Variants in ANOS1 observed in about 807,000 individuals in gnomAD.
ANOS1 encodes the protein anosmin-1.
A neutral mutation model predicts 59.0 loss-of-function variants in ANOS1; 6 were observed. The observed-to-expected ratio is 0.10, with a 90% confidence interval of 0.06 to 0.20. The LOEUF is 0.20. ANOS1 is among the 10% of genes least tolerant of loss of function. ANOS1 has a pLI of 1.00. For synonymous variants in ANOS1, 217 were observed against 223.4 expected (o/e 0.97, Z 0.25); for missense variants, 433 against 542.3 (o/e 0.80, Z 2.00).
chrX:8,637,318 G>T (rs1931588662), intron 2 of ANOS1, among the ~76,000 whole-genome samples: 1 of 111,921 alleles, frequency 8.9e-6, no homozygotes, highest in Non-Finnish European at 1.9e-5. Flanking sequence ...ACACATTTAA[G>T]GACTCAACCA....
chrX:8,595,541 G>T (rs1043575739), intron 4 of ANOS1, among the ~76,000 whole-genome samples: 1 of 112,140 alleles, frequency 8.9e-6, no homozygotes. Flanking sequence ...GTGAATTGTT[G>T]TAAGTGTTAG....
At chrX:8,704,031 C>T (rs993498097) in intron 1 of ANOS1, among the ~76,000 whole-genome samples, 1 of 109,876 alleles carries the variant, frequency 9.1e-6, no homozygotes, top group African/African-American at 3.3e-5. Flanking sequence ...CGGGTTTTTC[C>T]CATGTTATTC....
intron 2 of ANOS1, among the ~76,000 whole-genome samples, chrX:8,688,923 G>A (rs934956672): frequency 2.7e-5 from 3 of 111,839 alleles, no homozygotes; most frequent in African/African-American, 6.5e-5. Flanking sequence ...GGCAGAAAAC[G>A]CTTACCATGA....
intron 1 of ANOS1, 92 bp downstream of exon 1, chrX:8,731,738 C>T: frequency 8.9e-7 from 1 of 1,129,040 alleles, no homozygotes; most frequent in Non-Finnish European, 1.2e-6. Flanking sequence ...TGGCCGAGAA[C>T]TTTGCGAGCC....
chrX:8,541,437 A>G (rs1414168438), intron 9 of ANOS1, among the ~76,000 whole-genome samples: 2 of 99,396 alleles, frequency 2.0e-5, no homozygotes, highest in East Asian at 3.1e-4. Context: ...AAAAAACAAA[A>G]AAATAAAACA....
At chrX:8,725,281 G>GC (rs1285986551) in intron 1 of ANOS1, among the ~76,000 whole-genome samples, 1 of 110,212 alleles carries the variant, frequency 9.1e-6, no homozygotes, top group Non-Finnish European at 1.9e-5. Flanking sequence ...CTTAATACAA[G>GC]CAGTACCCCC....
At chrX:8,688,383 A>G (rs1448579269) in intron 2 of ANOS1, among the ~76,000 whole-genome samples, 2 of 112,405 alleles carry the variant, frequency 1.8e-5, no homozygotes, top group Non-Finnish European at 3.7e-5. Flanking sequence ...TGATGAACAC[A>G]TTACAACTTC....
At chrX:8,607,086 C>T (rs1319536886) in intron 3 of ANOS1, among the ~76,000 whole-genome samples, 2 of 112,025 alleles carry the variant, frequency 1.8e-5, no homozygotes, top group Non-Finnish European at 3.8e-5. Context: ...AATTGCACTC[C>T]GGCCTGGGCA....
Position 8,536,730 on chromosome X carries a change from C to A in ANOS1, c.1621+41G>T, listed in dbSNP as rs1417705778. 4 of 1,124,506 alleles carry A rather than the reference C, an allele frequency of 3.6e-6. No individual in the cohort carries two copies. The African/African-American group carries it at 7.2e-5, about 20-fold the overall frequency. The allele number at this position is 1,124,506 out of a possible 1,213,427, so 92.7% of individuals were successfully genotyped here. ...CAAGGTTTGCAAAGCGCTGCTGACACCGTAGACCTAGATGTAGAAGTCCTT... is the reference window on the plus strand; with the variant it reads ...CAAGGTTTGCAAAGCGCTGCTGACAACGTAGACCTAGATGTAGAAGTCCTT... On this transcript the variant is annotated intron_variant, in intron 11 of 13. Coordinates refer to ENST00000262648, the MANE Select transcript of ANOS1 (RefSeq NM_000216.4).
Position 8,532,754 on chromosome X carries a change from A to G in ANOS1, c.*241T>C, listed in dbSNP as rs1929520220. On this transcript the variant is annotated 3_prime_UTR_variant, in exon 14 of 14. Coordinates refer to ENST00000262648, the MANE Select transcript of ANOS1 (RefSeq NM_000216.4). ...ATGAAAACAAAATTTAGCATTAAAC[A>G]GGCCTATTCTTCATTTTCTCCATGC... 1 of 336,360 alleles carries G rather than the reference A, an allele frequency of 3.0e-6. No individual in the cohort carries two copies. Among genetic ancestry groups the G allele is most frequent in the African/African-American group, 2.6e-5 (1 of 38,587 alleles). 27.7% of individuals were successfully genotyped at this position (336,360 alleles called of 1,213,427 possible).
intron 9 of ANOS1, among the ~76,000 whole-genome samples, chrX:8,553,000 A>C (rs1929881455): frequency 1.8e-5 from 2 of 110,232 alleles, no homozygotes; most frequent in South Asian, 7.7e-4. Context: ...TCCAACACCA[A>C]TATTGCTTAT....
intron 2 of ANOS1, among the ~76,000 whole-genome samples, chrX:8,674,456 C>T (rs1442011197): frequency 9.0e-6 from 1 of 111,656 alleles, no homozygotes; most frequent in African/African-American, 3.3e-5. Context: ...CAAATGTTAC[C>T]CGTTGAGTGA....
chrX:8,715,134 G>C (rs776247124), intron 1 of ANOS1, among the ~76,000 whole-genome samples: 1 of 112,294 alleles, frequency 8.9e-6, no homozygotes, highest in South Asian at 3.7e-4. Context: ...TGAAAAGTCA[G>C]GTATGTTTTC....
At chrX:8,619,306 T>TA (rs1237186188) in intron 3 of ANOS1, among the ~76,000 whole-genome samples, 2 of 111,260 alleles carry the variant, frequency 1.8e-5, no homozygotes, top group Non-Finnish European at 3.8e-5. Flanking sequence ...CTTCTTCATT[T>TA]AAAAAATGAC....
intron 3 of ANOS1, among the ~76,000 whole-genome samples, chrX:8,614,700 A>G (rs987776585): frequency 1.8e-5 from 2 of 109,931 alleles, no homozygotes; most frequent in African/African-American, 6.6e-5. Context: ...AATTTTCATG[A>G]TACTCCCCTA....
intron 2 of ANOS1, among the ~76,000 whole-genome samples, chrX:8,640,896 A>T (rs1361081248): frequency 8.9e-6 from 1 of 112,248 alleles, no homozygotes; most frequent in Admixed American, 9.5e-5. Context: ...GAATATGACC[A>T]AAGTCAATAG....
rs1439293020 is a variant in ANOS1 at position 8,536,894 on chromosome X, C to A, written c.1498G>T (p.Val500Leu). 4 of 1,208,977 alleles carry A rather than the reference C, an allele frequency of 3.3e-6. No homozygotes were observed. The South Asian group carries it at 7.0e-5, about 21-fold the overall frequency. ...TTTGGCCGTATTGGTTGGACAGTCA[C>A]CTTATACTTGCAGGAAAATGACAGA... ...QDLSFSCKYK[V>L]TVQPIRPKSH... The change falls in exon 11 of 14, where the codon GTG becomes TTG. Residue 500 changes from valine (V) to leucine (L), a missense_variant. Transcript: ENST00000262648.
In ANOS1 at chrX:8,570,503, T is replaced by G; in HGVS notation, c.1058A>C (p.Asp353Ala). 8.3e-7 allele frequency: 1 copy of G among 1,204,915 alleles called. No homozygotes were observed. Among genetic ancestry groups the G allele is most frequent in the Non-Finnish European group, 1.1e-6 (1 of 889,470 alleles). The stretch of plus-strand genomic sequence containing the variant: ...CTTCCTCCAGTTCCCACTCACCCCA[T>G]CCGTAGTCTTTCTCCGCTTCTTCTT... The part of the protein sequence containing the change: ...PTKKKRRKTT[D>A]GFQNSVILEK... The change falls in exon 7 of 14, where the codon GAT (aspartate) becomes GCT (alanine). Residue 353 changes from aspartate to alanine, a missense_variant. Asp to Ala is a moderately radical substitution (Grantham distance 126). Transcript: ENST00000262648.
At chrX:8,586,654 G>A (rs1032917708) in intron 5 of ANOS1, among the ~76,000 whole-genome samples, 5 of 111,554 alleles carry the variant, frequency 4.5e-5, no homozygotes, top group Non-Finnish European at 9.4e-5. Context: ...TCTGTACCAC[G>A]ATTTATGAAA....
Sources: allele counts gnomAD v4.1 joint callset (sites outside exome capture counted in the v4.1 genomes callset), GRCh38; gene constraint gnomAD v4.1.1; transcripts MANE v1.5; gene names NCBI Gene and HGNC (gene_info 2026-07-23, HGNC 2026-07-21).